PDZD7: variants seen among roughly 807,000 people sequenced by gnomAD.
The protein encoded by PDZD7 is PDZ domain-containing protein 7.
In PDZD7, 72 loss-of-function variants were observed where a neutral mutation model predicts 84.7. That is an observed-to-expected ratio of 0.85 (90% CI 0.70 to 1.03). The LOEUF is 1.03. PDZD7 is among the 50% of genes least tolerant of loss of function. The pLI is 0.00. For missense variants in PDZD7, 1,490 were observed against 1,412.9 expected (o/e 1.05, Z -0.87); for synonymous variants, 594 against 580.7 (o/e 1.02, Z -0.33).
In PDZD7 at chr10:101,012,147, T is replaced by C. The variant is rs1463952851; in HGVS notation, c.1841+20A>G. 6.5e-7 allele frequency: 1 copy of C among 1,548,828 alleles called. No homozygotes were observed. The highest frequency in any genetic ancestry group is 8.7e-7 in the Non-Finnish European group (1 of 1,145,668). ...GGATCCCCTTCCTGCCCCCAAGCCCTCTCTGCAACCTCCTCCCACCTGATG... is the reference window on the plus strand; with the variant it reads ...GGATCCCCTTCCTGCCCCCAAGCCCCCTCTGCAACCTCCTCCCACCTGATG... On this transcript the variant is annotated intron_variant, in intron 12 of 16. Coordinates refer to ENST00000619208, the MANE Select transcript of PDZD7 (RefSeq NM_001195263.2).
At chr10:101,010,943 C>G in intron 14 of PDZD7, 60 bp from the exon 15 acceptor site, 1 of 1,533,162 alleles carries the variant, frequency 6.5e-7, no homozygotes, top group Non-Finnish European at 8.7e-7. Flanking sequence ...CCAGGCCTTG[C>G]TTTGGTTTGT....
chr10:101,017,892 A>AAAAG lies in PDZD7; in HGVS notation c.1522+203_1522+206dup, dbSNP rs780560274. 4.1e-3 allele frequency: 578 copies of AAAAG among 142,372 alleles called. 19 individuals are homozygous for AAAAG. Among genetic ancestry groups the AAAAG allele is most frequent in the Non-Finnish European group, 7.2e-3 (478 of 66,536 alleles). 8.8% of individuals were successfully genotyped at this position (142,372 alleles called of 1,614,324 possible). A position where few individuals can be genotyped will look rare whatever the true frequency, so the allele number is the denominator to read the frequency against. ...GAAAGAAAGAAAGAAAGAAAGAAAG[A>AAAAG]AAAGAAAGAAAGAAAGAAAGAAAAG... On this transcript the variant is annotated intron_variant, in intron 9 of 16. Transcript: ENST00000619208.
At position 101,018,856 on chromosome 10, in the gene PDZD7, G is replaced by C. The variant is rs756607033; in HGVS notation, c.1290C>G (p.Pro430=). 1.1e-5 allele frequency: 17 copies of C among 1,602,866 alleles called. No homozygotes were observed. The highest frequency in any genetic ancestry group is 1.4e-5 in the Non-Finnish European group (16 of 1,174,664). Residue 430 remains proline (P), a synonymous_variant, in exon 8 of 17, where the codon CCC becomes CCG. Coordinates refer to ENST00000619208, the MANE Select transcript of PDZD7 (RefSeq NM_001195263.2). ...LLLALSRPRP[P]ITRSQSYLTL... ...TCAGATAGCTCTGGGAGCGCGTGATGGGGGGCCGGGGTCGGCTGAGGGCCA... is the reference window on the plus strand; with the variant it reads ...TCAGATAGCTCTGGGAGCGCGTGATCGGGGGCCGGGGTCGGCTGAGGGCCA...
In PDZD7 at chr10:101,021,929, G is replaced by A. The variant is rs1564637359; in HGVS notation, c.736C>T (p.Leu246=). 13 of 1,613,954 alleles carry A rather than the reference G, an allele frequency of 8.1e-6. No homozygotes were observed. The highest frequency in any genetic ancestry group is 1.6e-4 in the Middle Eastern group (1 of 6,080). The part of the protein sequence containing the change: ...IYVSKVDHGG[L]AEENGIKVGD... ...ACCTTGATGCCATTCTCCTCGGCCA[G>A]CCCACCATGGTCCACTCTGAGGCCA... The change falls in exon 6 of 17, where the codon CTG becomes TTG. Residue 246 remains leucine, a synonymous_variant. Coordinates refer to ENST00000619208, the MANE Select transcript of PDZD7 (RefSeq NM_001195263.2).
chr10:101,028,135 G>C (rs958281462), intron 2 of PDZD7, among the ~76,000 whole-genome samples: 1 of 152,332 alleles, frequency 6.6e-6, no homozygotes. Flanking sequence ...AGAATTCTGA[G>C]CTCAGAGGGT....
chr10:101,015,828 A>G lies in PDZD7; in HGVS notation c.1574-17T>C. The G allele has an allele frequency of 6.5e-7, 1 of 1,541,398 alleles. No homozygotes were observed. On this transcript the variant is annotated splice_polypyrimidine_tract_variant and intron_variant, in intron 10 of 16. Transcript: ENST00000619208. ...TCTCCTGGTCTGCAGGGCAGGAACC[A>G]TCAGGGGAGGGGAGAGGGGCTTCCC...
Position 101,017,835 on chromosome 10 carries a change from G to GAAAGAAAGAAAGAAAGAAAGAAAGAAAGA in PDZD7, c.1522+263_1522+264insTCTTTCTTTCTTTCTTTCTTTCTTTCTTT, listed in dbSNP as rs1564632147. ...AAAGAAAGGAAAGAAAGGAAGGAAG[G>GAAAGAAAGAAAGAAAGAAAGAAAGAAAGA]AAGGAAAGAAAGAAAGAAAGAAAGA... On this transcript the variant is annotated intron_variant, in intron 9 of 16. Coordinates refer to ENST00000619208, the MANE Select transcript of PDZD7 (RefSeq NM_001195263.2). The GAAAGAAAGAAAGAAAGAAAGAAAGAAAGA allele has an allele frequency of 4.5e-4, 71 of 156,882 alleles. 1 individual carries two copies. Among genetic ancestry groups the GAAAGAAAGAAAGAAAGAAAGAAAGAAAGA allele is most frequent in the Non-Finnish European group, 7.7e-4 (59 of 76,844 alleles). 9.7% of individuals were successfully genotyped at this position (156,882 alleles called of 1,614,324 possible).
intron 11 of PDZD7, 147 bp downstream of exon 11, chr10:101,015,489 T>A: frequency 1.3e-6 from 1 of 751,774 alleles, no homozygotes; most frequent in Non-Finnish European, 2.0e-6. Context: ...TGTGTGTGTG[T>A]GTGACAGGAG....
chr10:101,011,776 GA>G lies in PDZD7; in HGVS notation c.1934-16del. The G allele has an allele frequency of 6.5e-7, 1 of 1,550,290 alleles. No homozygotes were observed. The highest frequency in any genetic ancestry group is 2.4e-5 in the East Asian group (1 of 40,920). On this transcript the variant is annotated splice_polypyrimidine_tract_variant and intron_variant, in intron 13 of 16. Coordinates refer to ENST00000619208, the MANE Select transcript of PDZD7 (RefSeq NM_001195263.2). The stretch of plus-strand genomic sequence containing the variant: ...AGGAGGCCGGACTGGTTGGAGAGAT[GA>G]ACAGGTCAGCGGCAAGGTACCCCGC...
At chr10:101,012,132 C>G in intron 12 of PDZD7, 35 bp downstream of exon 12, 1 of 1,544,006 alleles carries the variant, frequency 6.5e-7, no homozygotes, top group Non-Finnish European at 8.8e-7. Context: ...GGATCCCCTT[C>G]CTGCCCCCAA....
Position 101,021,903 on chromosome 10 carries a change from C to G in PDZD7, c.762G>C (p.Val254=). The G allele has an allele frequency of 6.2e-7, 1 of 1,614,172 alleles. No homozygotes were observed. Among genetic ancestry groups the G allele is most frequent in the Middle Eastern group, 1.6e-4 (1 of 6,062 alleles). Residue 254 remains valine (V), a synonymous_variant, in exon 6 of 17, where the codon GTG becomes GTC. Transcript: ENST00000619208. The stretch of plus-strand genomic sequence containing the variant: ...CGTTGGCTGCCAGGACCTGGTCCCC[C>G]ACCTTGATGCCATTCTCCTCGGCCA... The part of the protein sequence containing the change: ...GGLAEENGIK[V]GDQVLAANGV...
chr10:101,027,868 A>T (rs1363260780), intron 2 of PDZD7, among the ~76,000 whole-genome samples: 1 of 152,192 alleles, frequency 6.6e-6, no homozygotes, highest in Non-Finnish European at 1.5e-5. Context: ...GAATAAATGG[A>T]TGGATGGATG....
intron 16 of PDZD7, 116 bp downstream of exon 16, chr10:101,009,134 C>T (rs530107650): frequency 1.0e-6 from 1 of 998,806 alleles, no homozygotes; most frequent in Non-Finnish European, 1.5e-6. Context: ...CACCCCAAGC[C>T]TCCTCCCACA....
Position 101,008,135 on chromosome 10 carries a change from G to A in PDZD7, c.*332C>T. 3 of 365,104 alleles carry A rather than the reference G, an allele frequency of 8.2e-6. No individual in the cohort carries two copies. The highest frequency in any genetic ancestry group is 1.5e-5 in the Non-Finnish European group (3 of 202,132). 22.6% of individuals were successfully genotyped at this position (365,104 alleles called of 1,614,324 possible). ...TGAGAGTCTGTGTCCCTGGAGGCTT[G>A]GGCGACTCATAAGGGACAGCATGTG... On this transcript the variant is annotated 3_prime_UTR_variant, in exon 17 of 17. Coordinates refer to ENST00000619208, the MANE Select transcript of PDZD7 (RefSeq NM_001195263.2).
At chr10:101,017,536 C>CT in intron 9 of PDZD7, 1 of 698,086 alleles carries the variant, frequency 1.4e-6, no homozygotes, top group Non-Finnish European at 2.6e-6. Context: ...AATCCTAGCA[C>CT]TTTGGGAGAC....
chr10:101,029,988 CCCTA>C lies in PDZD7; in HGVS notation c.226+2_226+5del. The C allele has an allele frequency of 6.2e-7, 1 of 1,612,098 alleles. No individual in the cohort carries two copies. The highest frequency in any genetic ancestry group is 1.1e-5 in the South Asian group (1 of 90,994). On this transcript the variant is annotated splice_donor_variant and splice_donor_5th_base_variant and intron_variant, in intron 2 of 16. Transcript: ENST00000619208. LOFTEE classifies it high-confidence loss of function. The stretch of plus-strand genomic sequence containing the variant: ...ACCCAGGCCAGTGGCTGGGTCCCGC[CCCTA>C]CCTTCGATGGGGGAGTTGATGAGGA...
chr10:101,019,113 C>A lies in PDZD7; in HGVS notation c.1033G>T (p.Asp345Tyr). The change falls in exon 8 of 17, where the codon GAC becomes TAC. Residue 345 changes from aspartate (D) to tyrosine (Y), a missense_variant. Transcript: ENST00000619208. ...APYSSGSLPS[D>Y]RMDICLGQEE... ...TGCCCGAGGCAGATGTCCATGCGGT[C>A]CGACGGCAGGGAGCCCGAGCTGTAG... 1 of 1,554,418 alleles carries A rather than the reference C, an allele frequency of 6.4e-7. No homozygotes were observed. The highest frequency in any genetic ancestry group is 8.6e-7 in the Non-Finnish European group (1 of 1,156,666).
chr10:101,018,172 G>C lies in PDZD7; in HGVS notation c.1449C>G (p.Asp483Glu). 1 of 1,614,198 alleles carries C rather than the reference G, an allele frequency of 6.2e-7. No individual in the cohort carries two copies. The highest frequency in any genetic ancestry group is 8.5e-7 in the Non-Finnish European group (1 of 1,180,022). The change falls in exon 9 of 17, where the codon GAC becomes GAG. Residue 483 changes from aspartate (D) to glutamate (E), a missense_variant. By Grantham distance (45) the Asp-to-Glu change is conservative (BLOSUM62 2). Transcript: ENST00000619208. ...CCAGTGTCCAGGCCTCTCTGCGCCC[G>C]TCCCGCGCTAGCCTCCCCTGCCGCC... is the stretch of plus-strand genomic sequence containing the variant. Reference protein sequence around the residue: ...KGGRQGRLARDGRREAWTLDS... With the variant: ...KGGRQGRLAREGRREAWTLDS...
chr10:101,019,871 C>T (rs890287307), intron 7 of PDZD7, among the ~76,000 whole-genome samples: 1 of 151,522 alleles, frequency 6.6e-6, no homozygotes, highest in African/African-American at 2.4e-5. Flanking sequence ...GGTGATCCAC[C>T]CACCTCAGCC....
Sources: gnomAD v4.1 joint callset for allele counts (sites outside exome capture counted in the v4.1 genomes callset) on GRCh38, gnomAD v4.1.1 for gene constraint, MANE v1.5 for transcripts, NCBI Gene and HGNC (gene_info 2026-07-23, HGNC 2026-07-21) for gene names.